PRORP: variants seen among roughly 807,000 people sequenced by gnomAD.
PRORP encodes the protein mitochondrial ribonuclease P catalytic subunit.
PRORP carries 51 observed loss-of-function variants against 59.4 expected under a neutral mutation model. That is an observed-to-expected ratio of 0.86 (90% confidence interval 0.69 to 1.08). The LOEUF (loss-of-function observed/expected upper bound fraction) is 1.08, where lower values mean the gene tolerates loss of function less well. Among genes scored for constraint, PRORP ranks in the 50% least tolerant of loss-of-function variants. The probability of loss-of-function intolerance (pLI) is 0.00; values close to 1 mark genes in which losing one functional copy is unlikely to be tolerated. For missense variants in PRORP, 646 were observed against 690.3 expected (o/e 0.94, Z 0.72); for synonymous variants, 231 against 245.6 (o/e 0.94, Z 0.55).
At chr14:35,241,838 G>A (rs555914364) in intron 5 of PRORP, among the ~76,000 whole-genome samples, 34 of 152,222 alleles carry the variant, frequency 2.2e-4, no homozygotes, top group African/African-American at 8.2e-4. Flanking sequence ...TGCATTTGCT[G>A]ATTCTTTAAT....
chr14:35,247,183 A>G (rs1397600254), intron 5 of PRORP, among the ~76,000 whole-genome samples: 1 of 152,204 alleles, frequency 6.6e-6, no homozygotes, highest in Non-Finnish European at 1.5e-5. Flanking sequence ...ATTAAGTAAT[A>G]GAAGTTGGAA....
intron 6 of PRORP, among the ~76,000 whole-genome samples, chr14:35,268,739 G>A (rs1019988408): frequency 6.6e-6 from 1 of 152,106 alleles, no homozygotes; most frequent in African/African-American, 2.4e-5. Flanking sequence ...GGGATTACAG[G>A]CACCCGCCAC....
intron 5 of PRORP, among the ~76,000 whole-genome samples, chr14:35,225,164 A>G (rs933492608): frequency 3.9e-5 from 6 of 152,210 alleles, no homozygotes; most frequent in Non-Finnish European, 7.3e-5. Flanking sequence ...TATAGTTAAT[A>G]TAGTATGACT....
intron 5 of PRORP, among the ~76,000 whole-genome samples, chr14:35,193,217 T>C (rs2048928123): frequency 6.6e-6 from 1 of 152,190 alleles, no homozygotes; most frequent in Non-Finnish European, 1.5e-5. Flanking sequence ...AAAATTCTGC[T>C]CCCTATTTCT....
At chr14:35,206,349 C>T (rs1243179327) in intron 5 of PRORP, among the ~76,000 whole-genome samples, 1 of 152,146 alleles carries the variant, frequency 6.6e-6, no homozygotes, top group African/African-American at 2.4e-5. Context: ...ATTCTGCTTC[C>T]TTCTTCCCAT....
intron 5 of PRORP, among the ~76,000 whole-genome samples, chr14:35,184,866 T>A (rs970245632): frequency 1.3e-5 from 2 of 152,214 alleles, no homozygotes; most frequent in Admixed American, 1.3e-4. Context: ...ATTCTTTTTT[T>A]GGCTGCATAG....
chr14:35,134,946 A>G (rs572437642), intron 4 of PRORP, among the ~76,000 whole-genome samples: 1 of 152,100 alleles, frequency 6.6e-6, no homozygotes, highest in African/African-American at 2.4e-5. Context: ...GCTTGTGGGA[A>G]CTCCAGTTTC....
intron 5 of PRORP, 73 bp downstream of exon 5, chr14:35,180,850 G>A: frequency 1.0e-6 from 1 of 957,350 alleles, no homozygotes; most frequent in Admixed American, 2.3e-5. Context: ...ACCTTCTTGG[G>A]GCTCTTAGCT....
chr14:35,254,949 G>T (rs562376979), intron 5 of PRORP, among the ~76,000 whole-genome samples: 2 of 151,970 alleles, frequency 1.3e-5, no homozygotes, highest in Admixed American at 6.6e-5. Context: ...ATTCCTTGCC[G>T]GGCTAGTTCA....
At chr14:35,181,825 A>C (rs892391920) in intron 5 of PRORP, among the ~76,000 whole-genome samples, 1 of 151,648 alleles carries the variant, frequency 6.6e-6, no homozygotes, top group Non-Finnish European at 1.5e-5. Flanking sequence ...GAGTAGTAAA[A>C]TACATATATA....
intron 5 of PRORP, among the ~76,000 whole-genome samples, chr14:35,207,301 A>G (rs1464699796): frequency 1.3e-5 from 2 of 152,236 alleles, no homozygotes; most frequent in African/African-American, 2.4e-5. Flanking sequence ...AAGACCTTAC[A>G]ATTCTGCTTT....
intron 5 of PRORP, among the ~76,000 whole-genome samples, chr14:35,201,504 G>T (rs2049146933): frequency 1.3e-5 from 2 of 151,680 alleles, no homozygotes; most frequent in East Asian, 3.9e-4. Flanking sequence ...TTATTTTGCT[G>T]CTCACAGTGT....
chr14:35,242,585 C>T (rs940142196), intron 5 of PRORP, among the ~76,000 whole-genome samples: 1 of 152,134 alleles, frequency 6.6e-6, no homozygotes, highest in Non-Finnish European at 1.5e-5. Context: ...CTATTTTCAG[C>T]ACATACATAC....
Position 35,124,222 on chromosome 14 carries a change from G to T in PRORP, c.977G>T (p.Trp326Leu), listed in dbSNP as rs2047029694. Residue 326 changes from tryptophan (W) to leucine (L), a missense_variant, in exon 2 of 8, where the codon TGG becomes TTG. Transcript: ENST00000534898. ...TCATTTGCACACAGTATAAAAACAT[G>T]GTTTGAGAGGTAATTTTGGTTTTTT... ...GESFAHSIKTWFESVPGKQWK... is the reference protein window; with the variant it reads ...GESFAHSIKTLFESVPGKQWK... The T allele has an allele frequency of 1.3e-6, 2 of 1,520,052 alleles. No individual in the cohort carries two copies. The highest frequency in any genetic ancestry group is 2.7e-5 in the South Asian group (2 of 74,476). The allele number at this position is 1,520,052 out of a possible 1,614,324, so 94.2% of individuals were successfully genotyped here.
At chr14:35,260,726 TCTTG>T (rs1473444311) in intron 5 of PRORP, among the ~76,000 whole-genome samples, 2 of 152,250 alleles carry the variant, frequency 1.3e-5, no homozygotes, top group Non-Finnish European at 2.9e-5. Flanking sequence ...GCCTCTGTAT[TCTTG>T]CTTTCGCACC....
At chr14:35,208,703 C>T (rs1363188935) in intron 5 of PRORP, among the ~76,000 whole-genome samples, 1 of 147,260 alleles carries the variant, frequency 6.8e-6, no homozygotes, top group East Asian at 2.0e-4. Flanking sequence ...AAACCCGTCT[C>T]TACTAAAAAT....
chr14:35,202,107 C>G (rs1451060118), intron 5 of PRORP, among the ~76,000 whole-genome samples: 1 of 151,432 alleles, frequency 6.6e-6, no homozygotes, highest in Non-Finnish European at 1.5e-5. Context: ...GTAGCTGGGA[C>G]TACAGGCGCC....
Position 35,180,659 on chromosome 14 carries a change from T to G in PRORP, c.1168-11T>G. Reference sequence around the variant, plus strand: ...TTCTTATTAATGTTTTGTCTGACATTTCTTTATTAGGAACTTAAGAGATTT... The same window carrying G: ...TTCTTATTAATGTTTTGTCTGACATGTCTTTATTAGGAACTTAAGAGATTT... On this transcript the variant is annotated splice_polypyrimidine_tract_variant and intron_variant, in intron 4 of 7. Coordinates refer to ENST00000534898, the MANE Select transcript of PRORP (RefSeq NM_014672.4). The G allele has an allele frequency of 6.5e-7, 1 of 1,536,376 alleles. No homozygotes were observed. Among genetic ancestry groups the G allele is most frequent in the Non-Finnish European group, 9.0e-7 (1 of 1,111,888 alleles).
intron 5 of PRORP, among the ~76,000 whole-genome samples, chr14:35,225,644 G>A (rs1315261823): frequency 6.6e-6 from 1 of 152,024 alleles, no homozygotes; most frequent in Non-Finnish European, 1.5e-5. Flanking sequence ...ACCGCGCCTG[G>A]CCCACTTGGT....
Sources: gnomAD v4.1 joint callset for allele counts (sites outside exome capture counted in the v4.1 genomes callset) on GRCh38, gnomAD v4.1.1 for gene constraint, MANE v1.5 for transcripts, NCBI Gene and HGNC (gene_info 2026-07-23, HGNC 2026-07-21) for gene names.